Variants in VGLL4 observed in about 807,000 individuals in gnomAD.
VGLL4 encodes vestigial like family member 4, also known as transcription cofactor vestigial-like protein 4.
A neutral mutation model predicts 21.0 loss-of-function variants in VGLL4; 7 were observed. The observed-to-expected ratio is 0.33, with a 90% CI of 0.19 to 0.63. VGLL4 has a LOEUF of 0.63. Ranked by LOEUF, VGLL4 falls within the 20% of genes least tolerant of loss-of-function variation. The pLI, the probability that VGLL4 is intolerant of heterozygous loss-of-function variation, is 0.78. For synonymous variants in VGLL4, 222 were observed against 173.2 expected (o/e 1.28, Z -2.21); for missense variants, 394 against 425.7 (o/e 0.93, Z 0.66).
At chr3:11,578,435 G>A (rs1228488943) in intron 2 of VGLL4, among the ~76,000 whole-genome samples, 1 of 152,130 alleles carries the variant, frequency 6.6e-6, no homozygotes, top group Non-Finnish European at 1.5e-5. Flanking sequence ...CCATGGTCCA[G>A]CCCTAAGGTT....
At chr3:11,703,653 T>C (rs1433955415) in intron 1 of VGLL4, among the ~76,000 whole-genome samples, 2 of 152,194 alleles carry the variant, frequency 1.3e-5, no homozygotes, top group Admixed American at 6.5e-5. Context: ...AATTACAGCA[T>C]ACTATAAAAG....
At chr3:11,685,956 A>G (rs559016401) in intron 2 of VGLL4, among the ~76,000 whole-genome samples, 2 of 152,322 alleles carry the variant, frequency 1.3e-5, no homozygotes, top group Non-Finnish European at 1.5e-5. Context: ...AACATCACTA[A>G]TCATTAGGCA....
intron 2 of VGLL4, among the ~76,000 whole-genome samples, chr3:11,664,589 G>A (rs1443713796): frequency 1.3e-5 from 2 of 152,180 alleles, no homozygotes; most frequent in African/African-American, 4.8e-5. Context: ...AGAATCTGGG[G>A]ACCAGGGCTG....
intron 1 of VGLL4, among the ~76,000 whole-genome samples, chr3:11,631,848 G>A (rs1246116358): frequency 6.6e-6 from 1 of 152,126 alleles, no homozygotes; most frequent in African/African-American, 2.4e-5. Flanking sequence ...TCCCAATTAA[G>A]CCCCAGGTTT....
intron 2 of VGLL4, chr3:11,582,369 C>T (rs1265256088): frequency 5.7e-6 from 9 of 1,566,224 alleles, no homozygotes; most frequent in Non-Finnish European, 7.8e-6. Flanking sequence ...ACTTGGCAAG[C>T]AGTCTCAGGC....
At chr3:11,632,257 G>C (rs1426017091) in intron 1 of VGLL4, among the ~76,000 whole-genome samples, 2 of 152,068 alleles carry the variant, frequency 1.3e-5, no homozygotes, top group Non-Finnish European at 2.9e-5. Context: ...AGGTTGCAAT[G>C]AGCTGAGATC....
At chr3:11,658,623 G>A (rs184255034) in intron 2 of VGLL4, among the ~76,000 whole-genome samples, 2 of 114,316 alleles carry the variant, frequency 1.7e-5, no homozygotes, top group African/African-American at 3.8e-5. Flanking sequence ...AACAGAATAC[G>A]CGAACTATTC....
chr3:11,575,915 C>T lies in VGLL4; in HGVS notation c.273-10896G>A, dbSNP rs751890991. ...GTTGCCTCTAGAGAGGCGGGACTCA[C>T]GGAAATGCTGGCCAGCAGCGCGGAG... On this transcript the variant is annotated intron_variant, in intron 2 of 4. Transcript: ENST00000430365. Among the ~76,000 whole-genome samples the T allele has an allele frequency of 4.0e-4, 61 of 152,332 alleles. 2 individuals carry two copies. In the Middle Eastern group the frequency reaches 0.02, roughly 51 times the overall value.
Position 11,601,937 on chromosome 3 carries a change from T to G in VGLL4, c.168A>C (p.Pro56=). The change falls in exon 2 of 5, where the codon CCA becomes CCC. Residue 56 remains proline, a synonymous_variant. Coordinates refer to ENST00000430365, the MANE Select transcript of VGLL4 (RefSeq NM_001128219.3). ...ALSSHRTGPP[P]ISPSKRKFSM... ...TGAACTTCCTCTTGCTGGGGCTGAT[T>G]GGGGGAGGGCCGGTGCGGTGACTGC... 1 of 1,613,520 alleles carries G rather than the reference T, an allele frequency of 6.2e-7. No individual in the cohort carries two copies. The highest frequency in any genetic ancestry group is 8.5e-7 in the Non-Finnish European group (1 of 1,179,788).
intron 2 of VGLL4, among the ~76,000 whole-genome samples, chr3:11,595,430 A>G (rs1208666267): frequency 1.3e-5 from 2 of 152,186 alleles, no homozygotes; most frequent in African/African-American, 2.4e-5. Flanking sequence ...CAGTGTGGTG[A>G]TTCCTCAGGG....
At chr3:11,624,131 G>C (rs2075312366) in intron 1 of VGLL4, among the ~76,000 whole-genome samples, 1 of 152,122 alleles carries the variant, frequency 6.6e-6, no homozygotes, top group Non-Finnish European at 1.5e-5. Context: ...ACCTACGTCA[G>C]AATCACCTAA....
chr3:11,676,950 TA>T (rs1352239951), intron 2 of VGLL4, among the ~76,000 whole-genome samples: 1 of 152,156 alleles, frequency 6.6e-6, no homozygotes, highest in African/African-American at 2.4e-5. Context: ...TAAAAAAATT[TA>T]AAAAATAAAA....
chr3:11,578,048 C>G (rs1468733327), intron 2 of VGLL4, among the ~76,000 whole-genome samples: 1 of 152,208 alleles, frequency 6.6e-6, no homozygotes, highest in Non-Finnish European at 1.5e-5. Flanking sequence ...AGGACTCACT[C>G]CCTTCCATTT....
chr3:11,580,557 C>A (rs901781331), intron 2 of VGLL4, among the ~76,000 whole-genome samples: 1 of 152,202 alleles, frequency 6.6e-6, no homozygotes, highest in Non-Finnish European at 1.5e-5. Context: ...TAATGTTCAA[C>A]ACATCATTGG....
In VGLL4 at chr3:11,708,993, G is replaced by A. The variant is rs188627388; in HGVS notation, c.-13-5946C>T. Among the ~76,000 whole-genome samples, 72 of 152,130 alleles carry A rather than the reference G, an allele frequency of 4.7e-4. No homozygotes were observed. The East Asian group carries it at 7.9e-3, about 17-fold the overall frequency. On this transcript the variant is annotated intron_variant, in intron 1 of 5. Coordinates refer to the VGLL4 transcript ENST00000273038. ...GCAGAACTGCTTGAACCCGGGAGAC[G>A]GGGGTTGCAGTGAGCCGAGATTGGG... is the stretch of plus-strand genomic sequence containing the variant.
At chr3:11,584,487 C>G (rs17034707) in intron 2 of VGLL4, among the ~76,000 whole-genome samples, 17,563 of 152,024 alleles carry the variant, frequency 0.12, 1,504 homozygotes, top group African/African-American at 0.23. Flanking sequence ...GGGAACAGAT[C>G]AGTAAACCAT....
Position 11,577,199 on chromosome 3 carries a change from C to T in VGLL4, c.273-12180G>A, listed in dbSNP as rs114705803. Among the ~76,000 whole-genome samples, 507 of 152,344 alleles carry T rather than the reference C, an allele frequency of 3.3e-3. 5 individuals are homozygous for T. The highest frequency in any genetic ancestry group is 4.8e-3 in the Non-Finnish European group (328 of 68,028). ...GGAGACCTTCTGCCATTCCCTCTCT[C>T]GTTCTTGCGACTGGCACTGTCATCT... On this transcript the variant is annotated intron_variant, in intron 2 of 4. Transcript: ENST00000430365.
intron 1 of VGLL4, among the ~76,000 whole-genome samples, chr3:11,639,330 A>G (rs1223873766): frequency 6.6e-6 from 1 of 152,260 alleles, no homozygotes; most frequent in Non-Finnish European, 1.5e-5. Flanking sequence ...GACAAAAGGA[A>G]AGCAAGCCCA....
At chr3:11,581,030 T>C (rs2074208326) in intron 2 of VGLL4, among the ~76,000 whole-genome samples, 1 of 152,082 alleles carries the variant, frequency 6.6e-6, no homozygotes, top group African/African-American at 2.4e-5. Flanking sequence ...TGCATATACA[T>C]TATGTTAACA....
Sources: allele counts gnomAD v4.1 joint callset (sites outside exome capture counted in the v4.1 genomes callset), GRCh38; gene constraint gnomAD v4.1.1; transcripts MANE v1.5; gene names NCBI Gene and HGNC (gene_info 2026-07-23, HGNC 2026-07-21).